The following PHOSPHO2 variants were observed in gnomAD, a reference collection of about 807,000 sequenced individuals.
The protein encoded by PHOSPHO2 is phosphatase, orphan 2.
A neutral mutation model predicts 16.4 loss-of-function variants in PHOSPHO2; 14 were observed. That is an observed-to-expected ratio of 0.85 (90% CI 0.56 to 1.33). The LOEUF is 1.33. Ranked by LOEUF, PHOSPHO2 falls within the 40% of genes most tolerant of loss-of-function variation. PHOSPHO2 has a pLI of 0.00. For synonymous variants in PHOSPHO2, 85 were observed against 90.5 expected, an observed-to-expected ratio of 0.94 and a Z score of 0.34; for missense variants, 246 against 282.5, an observed-to-expected ratio of 0.87 and a Z score of 0.93.
chr2:169,699,790 C>CT (rs941120013), intron 3 of PHOSPHO2, among the ~76,000 whole-genome samples: 3 of 151,838 alleles, frequency 2.0e-5, no homozygotes, highest in African/African-American at 4.8e-5. Context: ...TGATGTTGAG[C>CT]TTTTTTTTCA....
At chr2:169,697,161 G>T (rs1687572621) in intron 2 of PHOSPHO2, among the ~76,000 whole-genome samples, 200 bp from the exon 3 acceptor site, 1 of 151,948 alleles carries the variant, frequency 6.6e-6, no homozygotes, top group Non-Finnish European at 1.5e-5. Flanking sequence ...GACTACAGGT[G>T]CCCGCCACCA....
At chr2:169,699,004 T>G (rs148074725) in intron 3 of PHOSPHO2, among the ~76,000 whole-genome samples, 1 of 152,230 alleles carries the variant, frequency 6.6e-6, no homozygotes, top group Non-Finnish European at 1.5e-5. Flanking sequence ...CTAAATACTT[T>G]TTTAATTTTT....
Position 169,697,520 on chromosome 2 carries a change from A to G in PHOSPHO2, c.-38A>G, listed in dbSNP as rs921214067. On this transcript the variant is annotated 5_prime_UTR_variant, in exon 3 of 4. Coordinates refer to ENST00000359744, the MANE Select transcript of PHOSPHO2 (RefSeq NM_001008489.4). ...ATGCTGAAGTAAGATTGTCTTGGAAATACTAAGTTGGGTAAGTATTTTTTA... is the reference window on the plus strand; with the variant it reads ...ATGCTGAAGTAAGATTGTCTTGGAAGTACTAAGTTGGGTAAGTATTTTTTA... 6.6e-6 allele frequency: 1 copy of G among 152,214 alleles called. No homozygotes were observed. The highest frequency in any genetic ancestry group is 1.5e-5 in the Non-Finnish European group (1 of 68,038). 9.4% of individuals were successfully genotyped at this position (152,214 alleles called of 1,614,324 possible).
intron 1 of PHOSPHO2, 152 bp downstream of exon 1, chr2:169,694,774 G>A (rs776565670): frequency 4.0e-6 from 1 of 252,394 alleles, no homozygotes; most frequent in African/African-American, 2.2e-5. Flanking sequence ...GGCGTGGTGT[G>A]TGCGTCCGCA....
Position 169,701,035 on chromosome 2 carries a change from A to G in PHOSPHO2, c.64A>G (p.Ile22Val), listed in dbSNP as rs746625198. The G allele has an allele frequency of 1.2e-6, 2 of 1,613,518 alleles. No individual in the cohort carries two copies. The highest frequency in any genetic ancestry group is 1.7e-6 in the Non-Finnish European group (2 of 1,179,898). The change falls in exon 4 of 4, where the codon ATT (isoleucine) becomes GTT (valine). Residue 22 changes from isoleucine to valine, a missense_variant. Transcript: ENST00000359744. ...CATAGATGACAATAGTGACACTTGG[A>G]TTGTACAATGTGCTCCCAACAAAAA... The part of the protein sequence containing the change: ...TIIDDNSDTW[I>V]VQCAPNKKLP...
At chr2:169,700,443 G>A (rs777677924) in intron 3 of PHOSPHO2, among the ~76,000 whole-genome samples, 3 of 152,184 alleles carry the variant, frequency 2.0e-5, no homozygotes, top group Admixed American at 1.3e-4. Context: ...TTATTAAATA[G>A]GGAATCCTTT....
chr2:169,695,135 T>C (rs1054588192), intron 1 of PHOSPHO2, 80 bp from the exon 2 acceptor site: 3 of 152,338 alleles, frequency 2.0e-5, no homozygotes, highest in Middle Eastern at 3.4e-3. Flanking sequence ...ATGCACCAAA[T>C]TGGAGTCTCT....
chr2:169,696,755 TC>T (rs1444338602), intron 2 of PHOSPHO2, among the ~76,000 whole-genome samples: 10 of 152,236 alleles, frequency 6.6e-5, no homozygotes, highest in African/African-American at 2.4e-4. Flanking sequence ...CATTTTAATT[TC>T]TAGTACAGCA....
Position 169,694,590 on chromosome 2 carries a change from G to T in PHOSPHO2, c.-263G>T. On this transcript the variant is annotated 5_prime_UTR_variant, in exon 1 of 4. Coordinates refer to ENST00000359744, the MANE Select transcript of PHOSPHO2 (RefSeq NM_001008489.4). Reference sequence around the variant, plus strand: ...AGGACTGAACCCGCAGGAGCGTCACGGGCGCCGGGGCGGCTGCCGACGGCG... The same window carrying T: ...AGGACTGAACCCGCAGGAGCGTCACTGGCGCCGGGGCGGCTGCCGACGGCG... 1.8e-6 allele frequency: 1 copy of T among 559,562 alleles called. No individual in the cohort carries two copies. The highest frequency in any genetic ancestry group is 2.0e-5 in the South Asian group (1 of 49,164). The allele number at this position is 559,562 out of a possible 1,614,324, so 34.7% of individuals were successfully genotyped here.
intron 3 of PHOSPHO2, among the ~76,000 whole-genome samples, chr2:169,700,248 T>A (rs1326158062): frequency 6.6e-6 from 1 of 152,182 alleles, no homozygotes; most frequent in East Asian, 1.9e-4. Context: ...TTGGCATCTT[T>A]GTCATGAAAC....
chr2:169,694,702 C>G (rs904168052), intron 1 of PHOSPHO2, 80 bp downstream of exon 1: 3 of 350,676 alleles, frequency 8.6e-6, no homozygotes, highest in African/African-American at 4.2e-5. Context: ...GGACGACCCC[C>G]GATTGGGTCC....
intron 2 of PHOSPHO2, among the ~76,000 whole-genome samples, chr2:169,696,629 C>A (rs940350095): frequency 6.6e-6 from 1 of 152,156 alleles, no homozygotes; most frequent in African/African-American, 2.4e-5. Context: ...ACCAAATAGA[C>A]ATAGATTGTG....
At chr2:169,697,020 AT>A (rs71006024) in intron 2 of PHOSPHO2, among the ~76,000 whole-genome samples, 16 of 134,248 alleles carry the variant, frequency 1.2e-4, no homozygotes, top group South Asian at 2.6e-4. Context: ...AAAAAAAAAA[AT>A]TTTTTTTTTT....
chr2:169,699,225 C>G (rs1687659539), intron 3 of PHOSPHO2, among the ~76,000 whole-genome samples: 1 of 148,944 alleles, frequency 6.7e-6, no homozygotes, highest in Non-Finnish European at 1.5e-5. Context: ...TCCACGTGTT[C>G]TCATGATTCA....
At position 169,694,518 on chromosome 2, in the gene PHOSPHO2, G is replaced by C. The variant is rs1558927626; in HGVS notation, c.-335G>C. 2 of 648,140 alleles carry C rather than the reference G, an allele frequency of 3.1e-6. No individual in the cohort carries two copies. The highest frequency in any genetic ancestry group is 1.8e-5 in the African/African-American group (1 of 55,580). 40.1% of individuals were successfully genotyped at this position (648,140 alleles called of 1,614,324 possible). On this transcript the variant is annotated 5_prime_UTR_variant, in exon 1 of 4. Coordinates refer to ENST00000359744, the MANE Select transcript of PHOSPHO2 (RefSeq NM_001008489.4). ...GAGAGGCGCCTGCGCTTGCGAGCTG[G>C]GCTTGTGAGTGGGGCTGCCGAGAGG...
chr2:169,700,436 T>G (rs1396944825), intron 3 of PHOSPHO2, among the ~76,000 whole-genome samples: 1 of 152,158 alleles, frequency 6.6e-6, no homozygotes, highest in East Asian at 1.9e-4. Flanking sequence ...GCACCATTTA[T>G]TAAATAGGGA....
At chr2:169,698,014 A>C (rs1414513596) in intron 3 of PHOSPHO2, 5 of 152,192 alleles carry the variant, frequency 3.3e-5, no homozygotes, top group Non-Finnish European at 7.4e-5. Flanking sequence ...TATTCTCTAG[A>C]TATTCTAAAT....
Position 169,701,277 on chromosome 2 carries a change from G to A in PHOSPHO2, c.306G>A (p.Ser102=), listed in dbSNP as rs756373094. The change falls in exon 4 of 4, where the codon TCG becomes TCA. Residue 102 remains serine, a synonymous_variant. Transcript: ENST00000359744. The part of the protein sequence containing the change: ...FDCIIISDSN[S]VFIDWVLEAA... The stretch of plus-strand genomic sequence containing the variant: ...GCATTATTATTTCAGATTCAAATTC[G>A]GTCTTCATAGATTGGGTTTTAGAAG... 3.2e-5 allele frequency: 51 copies of A among 1,613,136 alleles called. No homozygotes were observed. The highest frequency in any genetic ancestry group is 6.7e-5 in the East Asian group (3 of 44,856).
At position 169,700,798 on chromosome 2, in the gene PHOSPHO2, T is replaced by C. The variant is rs1687723563; in HGVS notation, c.-26-148T>C. ...ACGAACTTTGCTTCTTAGAGAAAAG[T>C]GGTTAGGTAGTGGTCTTGAAGTGCT... On this transcript the variant is annotated intron_variant, in intron 3 of 3. Coordinates refer to ENST00000359744, the MANE Select transcript of PHOSPHO2 (RefSeq NM_001008489.4). The C allele has an allele frequency of 4.9e-6, 3 of 618,042 alleles. No homozygotes were observed. The South Asian group carries it at 1.3e-4, about 27-fold the overall frequency. The allele number at this position is 618,042 out of a possible 1,614,324, so 38.3% of individuals were successfully genotyped here. A position where few individuals can be genotyped will look rare whatever the true frequency, so the allele number is the denominator to read the frequency against.
Sources: gnomAD v4.1 joint callset for allele counts (sites outside exome capture counted in the v4.1 genomes callset) on GRCh38, gnomAD v4.1.1 for gene constraint, MANE v1.5 for transcripts, NCBI Gene and HGNC (gene_info 2026-07-23, HGNC 2026-07-21) for gene names.